Variants in STX11 observed in about 807,000 individuals in gnomAD.
The protein encoded by STX11 is syntaxin-11.
In STX11, 21 loss-of-function variants were observed where a neutral mutation model predicts 19.9. The ratio of observed to expected loss-of-function variants is 1.06; its 90% CI spans 0.75 to 1.52. The LOEUF (loss-of-function observed/expected upper bound fraction) is 1.52. STX11 is among the 40% of genes most tolerant of loss of function. The pLI is 0.00. For synonymous variants in STX11, 193 were observed against 174.4 expected (o/e 1.11, Z -0.84); for missense variants, 438 against 405.9 (o/e 1.08, Z -0.68).
intron 1 of STX11, among the ~76,000 whole-genome samples, chr6:144,179,943 A>G (rs951529240): frequency 6.6e-6 from 1 of 152,166 alleles, no homozygotes; most frequent in Non-Finnish European, 1.5e-5. Context: ...TCTTGGGGAC[A>G]GGGTCTGTTT....
In STX11 at chr6:144,176,943, G is replaced by A. The variant is rs1441620342; in HGVS notation, c.-5-9680G>A. 6.6e-6 allele frequency among the ~76,000 whole-genome samples: 1 copy of A among 152,128 alleles called. No homozygotes were observed. Among genetic ancestry groups the A allele is most frequent in the African/African-American group, 2.4e-5 (1 of 41,424 alleles). ...GATGTTGGATAACTCAGATATTTCC[G>A]TACCTTGTGTAAAAGATATCAGCCA... On this transcript the variant is annotated intron_variant, in intron 1 of 1. Transcript: ENST00000367568. This position sits in a 1 kb window ranked among gnomAD's most constrained non-coding sequence, Gnocchi z 4.1.
rs1801059204 is a variant in STX11 at position 144,153,545 on chromosome 6, A to G, written c.-6+2842A>G. On this transcript the variant is annotated intron_variant, in intron 1 of 1. Transcript: ENST00000367568. The surrounding 1 kb of genome is among the most constrained non-coding windows in gnomAD (Gnocchi z 5.0). ...GATCACAAAGGCCCCATGAGGGTTT[A>G]ATAGTACTGAAGCCTTTGAACAAGT... 6.6e-6 allele frequency among the ~76,000 whole-genome samples: 1 copy of G among 152,232 alleles called. No homozygotes were observed. Among genetic ancestry groups the G allele is most frequent in the Admixed American group, 6.5e-5 (1 of 15,276 alleles).
chr6:144,180,166 G>A lies in STX11; in HGVS notation c.-5-6457G>A, dbSNP rs1001666534. Among the ~76,000 whole-genome samples the A allele has an allele frequency of 1.3e-5, 2 of 152,182 alleles. No homozygotes were observed. The highest frequency in any genetic ancestry group is 6.5e-5 in the Admixed American group (1 of 15,280). On this transcript the variant is annotated intron_variant, in intron 1 of 1. Transcript: ENST00000367568. The surrounding 1 kb of genome is among the most constrained non-coding windows in gnomAD (Gnocchi z 5.3). ...AACATCTTGCTGTGAAACAGGAAAAGGTTTTGTTTCCTGGTTTTGGCAAAA... is the reference window on the plus strand; with the variant it reads ...AACATCTTGCTGTGAAACAGGAAAAAGTTTTGTTTCCTGGTTTTGGCAAAA...
the STX11 span, among the ~76,000 whole-genome samples, chr6:144,140,209 CATATATATATATATATATATATAT>C: frequency 1.8e-4 from 8 of 44,472 alleles, no homozygotes; most frequent in East Asian, 1.8e-3. Context: ...GGTCAATTCA[CATATATATATATATATATATATAT>C]ATATATATAT....
chr6:144,187,304 A>G lies in STX11; in HGVS notation c.677A>G (p.Glu226Gly), dbSNP rs1802082989. Residue 226 changes from glutamate (E) to glycine (G), a missense_variant, in exon 2 of 2, where the codon GAG becomes GGG. By Grantham distance (98) the Glu-to-Gly change is moderately conservative. Transcript: ENST00000367568. This position sits in a 1 kb window ranked among gnomAD's most constrained non-coding sequence, Gnocchi z 5.6. ...GAGAGCCGCATCCGCGACGTACACG[A>G]GCTCTTCTTGCAGATGGCGGTGCTG... ...RLESRIRDVHELFLQMAVLVE... is the reference protein window; with the variant it reads ...RLESRIRDVHGLFLQMAVLVE... 6.2e-7 allele frequency: 1 copy of G among 1,612,190 alleles called. No homozygotes were observed. The highest frequency in any genetic ancestry group is 1.3e-5 in the African/African-American group (1 of 74,918).
rs1374801969 is a variant in STX11 at position 144,186,724 on chromosome 6, A to G, written c.97A>G (p.Ile33Val). Residue 33 changes from isoleucine (I) to valine (V), a missense_variant, in exon 2 of 2, where the codon ATC becomes GTC. Ile to Val is a conservative substitution (Grantham distance 29). Coordinates refer to ENST00000367568, the MANE Select transcript of STX11 (RefSeq NM_003764.4). ...TGAGTTTGACTCGCCCCACGAGGAC[A>G]TCGTGTTCGAGACGGACCACATCCT... ...DDEFDSPHED[I>V]VFETDHILES... The G allele has an allele frequency of 2.2e-5, 35 of 1,614,096 alleles. No individual in the cohort carries two copies. Among genetic ancestry groups the G allele is most frequent in the Non-Finnish European group, 3.0e-5 (35 of 1,180,062 alleles).
At position 144,170,805 on chromosome 6, in the gene STX11, G is replaced by A. The variant is rs932053468; in HGVS notation, c.-5-15818G>A. Among the ~76,000 whole-genome samples the A allele has an allele frequency of 1.3e-5, 2 of 152,150 alleles. No individual in the cohort carries two copies. Among genetic ancestry groups the A allele is most frequent in the Non-Finnish European group, 2.9e-5 (2 of 68,024 alleles). On this transcript the variant is annotated intron_variant, in intron 1 of 1. Coordinates refer to ENST00000367568, the MANE Select transcript of STX11 (RefSeq NM_003764.4). This position sits in a 1 kb window ranked among gnomAD's most constrained non-coding sequence, Gnocchi z 4.7. ...GGCATCATTTATACAAATAGTTACT[G>A]AATCTACATTAGTTATTTGAGGGAA...
intron 1 of STX11, among the ~76,000 whole-genome samples, chr6:144,150,911 C>T (rs1343426950): frequency 6.6e-6 from 1 of 152,136 alleles, no homozygotes; most frequent in Admixed American, 6.5e-5. Context: ...TCATATAAAG[C>T]AGAATGATTT....
In STX11 at chr6:144,187,226, C is replaced by T; in HGVS notation, c.599C>T (p.Ala200Val). The change falls in exon 2 of 2, where the codon GCG (alanine) becomes GTG (valine). Residue 200 changes from alanine to valine, a missense_variant. Ala to Val is a moderately conservative substitution (Grantham distance 64, BLOSUM62 0). Coordinates refer to ENST00000367568, the MANE Select transcript of STX11 (RefSeq NM_003764.4). The surrounding 1 kb of genome is among the most constrained non-coding windows in gnomAD (Gnocchi z 5.6). ...AACTTGCTGGCCGACGTGAAGGGCG[C>T]GCGGGCCGCCCTCAACGAGATCGAG... ...SENLLADVKG[A>V]RAALNEIESR... The T allele has an allele frequency of 1.9e-6, 3 of 1,613,894 alleles. No homozygotes were observed. The highest frequency in any genetic ancestry group is 1.7e-6 in the Non-Finnish European group (2 of 1,179,986).
chr6:144,168,620 C>T (rs1483597509), intron 1 of STX11, among the ~76,000 whole-genome samples: 1 of 152,160 alleles, frequency 6.6e-6, no homozygotes, highest in Non-Finnish European at 1.5e-5. Context: ...ATACGGAATC[C>T]TTCAAAGTCA....
chr6:144,142,226 A>C, the STX11 span, among the ~76,000 whole-genome samples: 32 of 152,160 alleles, frequency 2.1e-4, no homozygotes, highest in Middle Eastern at 3.4e-3. Context: ...CATTGTAACC[A>C]AACAATAGTA....
rs1801938982 is a variant in STX11 at position 144,182,763 on chromosome 6, T to A, written c.-5-3860T>A. 6.6e-6 allele frequency among the ~76,000 whole-genome samples: 1 copy of A among 152,196 alleles called. No individual in the cohort carries two copies. Among genetic ancestry groups the A allele is most frequent in the Admixed American group, 6.5e-5 (1 of 15,284 alleles). On this transcript the variant is annotated intron_variant, in intron 1 of 1. Transcript: ENST00000367568. The surrounding 1 kb of genome is among the most constrained non-coding windows in gnomAD (Gnocchi z 4.8). Reference sequence around the variant, plus strand: ...TGATCCCTAGTGTCCCAGGGCGTGGTACAGTCCCTTATCTACCCATTTCCT... The same window carrying A: ...TGATCCCTAGTGTCCCAGGGCGTGGAACAGTCCCTTATCTACCCATTTCCT...
Position 144,188,973 on chromosome 6 carries a change from G to A in STX11, c.*1482G>A, listed in dbSNP as rs550113438. Among the ~76,000 whole-genome samples the A allele has an allele frequency of 1.3e-4, 20 of 151,928 alleles. No individual in the cohort carries two copies. Among genetic ancestry groups the A allele is most frequent in the Middle Eastern group, 3.4e-3 (1 of 294 alleles). On this transcript the variant is annotated 3_prime_UTR_variant, in exon 2 of 2. Transcript: ENST00000367568. ...GATCTCCTGACCTCGTGATCCGCCC[G>A]CCTCAGCCTCCCATAGTGCTGGGAT...
chr6:144,151,352 C>G lies in STX11; in HGVS notation c.-6+649C>G, dbSNP rs538969215. On this transcript the variant is annotated intron_variant, in intron 1 of 1. Transcript: ENST00000367568. The surrounding 1 kb of genome is among the most constrained non-coding windows in gnomAD (Gnocchi z 4.6). ...GAGATCTGTATTACTTCCTGTGGTT[C>G]TCACGCACTTGTTTCAGCCGTTTCT... The G allele has an allele frequency of 2.8e-5, 28 of 985,430 alleles. No individual in the cohort carries two copies. The highest frequency in any genetic ancestry group is 1.8e-4 in the Admixed American group (3 of 16,286). 61.0% of individuals were successfully genotyped at this position (985,430 alleles called of 1,614,324 possible). A position where few individuals can be genotyped will look rare whatever the true frequency, so the allele number is the denominator to read the frequency against.
At chr6:144,158,295 C>A (rs2128748227) in intron 1 of STX11, among the ~76,000 whole-genome samples, 1 of 152,334 alleles carries the variant, frequency 6.6e-6, no homozygotes, top group East Asian at 1.9e-4. Context: ...CATTTAAATT[C>A]TTGATGTGGC....
chr6:144,148,133 T>A (rs1023077063), upstream of STX11, among the ~76,000 whole-genome samples: 1 of 152,176 alleles, frequency 6.6e-6, no homozygotes, highest in African/African-American at 2.4e-5. Flanking sequence ...TGATAAACAT[T>A]CTTCAGTCTT....
Position 144,151,240 on chromosome 6 carries a change from A to T in STX11, c.-6+537A>T. The T allele has an allele frequency of 1.0e-5, 10 of 985,406 alleles. No individual in the cohort carries two copies. The highest frequency in any genetic ancestry group is 1.2e-5 in the Non-Finnish European group (10 of 829,914). The allele number at this position is 985,406 out of a possible 1,614,324, so 61.0% of individuals were successfully genotyped here. ...CCACGTAAGACTTTGTTTTAGAAAC[A>T]TGGAGAGAAGTAGTGGCAATGCCTG... On this transcript the variant is annotated intron_variant, in intron 1 of 1. Transcript: ENST00000367568. This position sits in a 1 kb window ranked among gnomAD's most constrained non-coding sequence, Gnocchi z 4.6.
chr6:144,163,695 G>A (rs763315740), intron 1 of STX11, among the ~76,000 whole-genome samples: 1 of 152,036 alleles, frequency 6.6e-6, no homozygotes, highest in Admixed American at 6.6e-5. Flanking sequence ...ATGTTGGCCA[G>A]GCTGGTCTTG....
Position 144,153,601 on chromosome 6 carries a change from A to T in STX11, c.-6+2898A>T, listed in dbSNP as rs1000071651. Among the ~76,000 whole-genome samples, 3 of 152,246 alleles carry T rather than the reference A, an allele frequency of 2.0e-5. No homozygotes were observed. The highest frequency in any genetic ancestry group is 4.4e-5 in the Non-Finnish European group (3 of 68,048). Reference sequence around the variant, plus strand: ...ATATTGTCAGGTATGTGTTTAAAAAATAATAACAAAACTTGGAATTTTAAA... The same window carrying T: ...ATATTGTCAGGTATGTGTTTAAAAATTAATAACAAAACTTGGAATTTTAAA... On this transcript the variant is annotated intron_variant, in intron 1 of 1. Transcript: ENST00000367568. This position sits in a 1 kb window ranked among gnomAD's most constrained non-coding sequence, Gnocchi z 5.0.
Sources: gnomAD v4.1 joint callset for allele counts (sites outside exome capture counted in the v4.1 genomes callset) on GRCh38, gnomAD v4.1.1 for gene constraint, Gnocchi (gnomAD v3.1) non-coding constraint, MANE v1.5 for transcripts, NCBI Gene and HGNC (gene_info 2026-07-23, HGNC 2026-07-21) for gene names.